CCDC7: variants seen among roughly 807,000 people sequenced by gnomAD.
CCDC7 encodes coiled-coil domain containing 7.
In CCDC7, 183 loss-of-function variants were observed where a neutral mutation model predicts 196.9. The ratio of observed to expected loss-of-function variants is 0.93; its 90% CI spans 0.82 to 1.05. The LOEUF (loss-of-function observed/expected upper bound fraction) is 1.05, where lower values mean the gene tolerates loss of function less well. Among genes scored for constraint, CCDC7 ranks in the 50% least tolerant of loss-of-function variants. The pLI, the probability that CCDC7 is intolerant of heterozygous loss-of-function variation, is 0.00. For synonymous variants in CCDC7, 525 were observed against 484.6 expected (o/e 1.08, Z -1.10); for missense variants, 1,540 against 1,482.2 (o/e 1.04, Z -0.64).
chr10:32,483,944 T>G (rs2040482811), intron 8 of CCDC7, among the ~76,000 whole-genome samples: 1 of 152,228 alleles, frequency 6.6e-6, no homozygotes, highest in Admixed American at 6.5e-5. Flanking sequence ...CCTCCAGCTT[T>G]GTTCTTTTGA....
intron 28 of CCDC7, among the ~76,000 whole-genome samples, chr10:32,771,381 T>G (rs1330823021): frequency 6.6e-6 from 1 of 152,230 alleles, no homozygotes; most frequent in Admixed American, 6.5e-5. Context: ...TTAAGGAGAT[T>G]GAAACTTAGT....
At chr10:32,717,861 A>T (rs962398228) in intron 25 of CCDC7, among the ~76,000 whole-genome samples, 1 of 150,632 alleles carries the variant, frequency 6.6e-6, no homozygotes, top group African/African-American at 2.4e-5. Context: ...ACCAATAAGA[A>T]GTTCTGAAAT....
intron 8 of CCDC7, among the ~76,000 whole-genome samples, chr10:32,479,191 C>T (rs773386932): frequency 6.6e-6 from 1 of 152,002 alleles, no homozygotes; most frequent in Non-Finnish European, 1.5e-5. Context: ...TTCTTGCATT[C>T]GTATTTGGAC....
At chr10:32,526,649 T>A (rs894918192) in intron 11 of CCDC7, among the ~76,000 whole-genome samples, 1 of 152,068 alleles carries the variant, frequency 6.6e-6, no homozygotes, top group Admixed American at 6.6e-5. Context: ...TACTGGGTCC[T>A]TCACTTCAAG....
intron 8 of CCDC7, among the ~76,000 whole-genome samples, chr10:32,477,338 G>C (rs1458021113): frequency 1.3e-5 from 2 of 152,072 alleles, no homozygotes; most frequent in Non-Finnish European, 2.9e-5. Flanking sequence ...TAGCAGCTGG[G>C]ACCACAGGCG....
intron 29 of CCDC7, among the ~76,000 whole-genome samples, chr10:32,790,579 C>T (rs1266341747): frequency 2.0e-5 from 3 of 152,198 alleles, no homozygotes; most frequent in Non-Finnish European, 1.5e-5. Context: ...GGGTTACCTC[C>T]TCTCTCAATG....
intron 21 of CCDC7, among the ~76,000 whole-genome samples, chr10:32,673,018 G>A (rs1024533404): frequency 1.3e-5 from 2 of 151,982 alleles, no homozygotes; most frequent in Non-Finnish European, 2.9e-5. Context: ...TTTCCATGTG[G>A]ATACTCTGTT....
At chr10:32,492,950 A>AT (rs971893996) in intron 9 of CCDC7, among the ~76,000 whole-genome samples, 5 of 151,984 alleles carry the variant, frequency 3.3e-5, no homozygotes, top group African/African-American at 1.2e-4. Context: ...TAAATGTTTT[A>AT]TTTTTTATTG....
intron 13 of CCDC7, among the ~76,000 whole-genome samples, chr10:32,549,798 CTG>C (rs1184583591): frequency 6.6e-6 from 1 of 152,094 alleles, no homozygotes. Context: ...CAGTACCATG[CTG>C]TTTTGGTGAC....
intron 24 of CCDC7, among the ~76,000 whole-genome samples, chr10:32,699,224 G>T (rs1231546471): frequency 9.1e-6 from 1 of 110,084 alleles, no homozygotes; most frequent in Admixed American, 1.3e-4. Flanking sequence ...CCCACAACAG[G>T]CCTTGTGTGT....
chr10:32,732,807 C>T (rs1314391790), intron 28 of CCDC7, among the ~76,000 whole-genome samples: 2 of 152,052 alleles, frequency 1.3e-5, no homozygotes, highest in African/African-American at 2.4e-5. Context: ...CTCTCTTTGC[C>T]ATTAATCTGT....
intron 33 of CCDC7, among the ~76,000 whole-genome samples, chr10:32,842,565 C>A (rs1187932910): frequency 6.6e-6 from 1 of 152,070 alleles, no homozygotes. Context: ...AGTAGATCTA[C>A]CCTTTGATCC....
rs553074802 is a variant in CCDC7 at position 32,847,081 on chromosome 10, C to A, written c.3688+622C>A. ...TAAAGAGACACATTCGAAGCCGGCCCTCTAAAACCAATGTTATCCAAGGTA... is the reference window on the plus strand; with the variant it reads ...TAAAGAGACACATTCGAAGCCGGCCATCTAAAACCAATGTTATCCAAGGTA... On this transcript the variant is annotated intron_variant, in intron 37 of 41. Transcript: ENST00000639629. Among the ~76,000 whole-genome samples, 6 of 152,272 alleles carry A rather than the reference C, an allele frequency of 3.9e-5. No homozygotes were observed. The South Asian group carries it at 1.2e-3, about 32-fold the overall frequency.
intron 28 of CCDC7, among the ~76,000 whole-genome samples, chr10:32,752,108 A>C (rs918353655): frequency 6.6e-6 from 1 of 152,098 alleles, no homozygotes; most frequent in African/African-American, 2.4e-5. Context: ...TATCCATATT[A>C]TTTTTGATAG....
At chr10:32,521,355 A>T (rs2047857345) in intron 11 of CCDC7, among the ~76,000 whole-genome samples, 1 of 152,016 alleles carries the variant, frequency 6.6e-6, no homozygotes, top group African/African-American at 2.4e-5. Context: ...TGAACATGGA[A>T]TATCTCTCCA....
chr10:32,677,058 C>G (rs2075108123), intron 21 of CCDC7, among the ~76,000 whole-genome samples: 1 of 151,392 alleles, frequency 6.6e-6, no homozygotes, highest in South Asian at 2.1e-4. Context: ...AGTTCATGTC[C>G]TTTGTAGGGA....
chr10:32,642,606 A>G (rs1042373733), intron 20 of CCDC7, among the ~76,000 whole-genome samples: 28 of 152,170 alleles, frequency 1.8e-4, no homozygotes, highest in African/African-American at 6.5e-4. Context: ...TGCACTTCCC[A>G]GGTGAGGTGA....
At chr10:32,635,396 A>G (rs1191997387) in intron 20 of CCDC7, among the ~76,000 whole-genome samples, 1 of 152,168 alleles carries the variant, frequency 6.6e-6, no homozygotes, top group African/African-American at 2.4e-5. Context: ...ATGACATTTT[A>G]TTATTAATGT....
At chr10:32,515,134 C>T (rs1039363231) in intron 9 of CCDC7, among the ~76,000 whole-genome samples, 2 of 152,168 alleles carry the variant, frequency 1.3e-5, no homozygotes, top group Non-Finnish European at 1.5e-5. Context: ...CTTTAATAAT[C>T]TTAAGATAGC....
Sources: gnomAD v4.1 joint callset for allele counts (sites outside exome capture counted in the v4.1 genomes callset) on GRCh38, gnomAD v4.1.1 for gene constraint, MANE v1.5 for transcripts, NCBI Gene and HGNC (gene_info 2026-07-23, HGNC 2026-07-21) for gene names.